Variants in TIRAP observed in about 807,000 individuals in gnomAD.
TIRAP encodes TIR domain containing adaptor protein.
Under a neutral mutation model 19.8 loss-of-function variants are expected in TIRAP, and 20 were observed. The observed-to-expected ratio is 1.01, with a 90% CI of 0.71 to 1.47. The LOEUF (loss-of-function observed/expected upper bound fraction) is 1.47, where lower values mean the gene tolerates loss of function less well. Ranked by LOEUF, TIRAP falls within the 40% of genes most tolerant of loss-of-function variation. The probability of loss-of-function intolerance (pLI) is 0.00; values close to 1 mark genes in which losing one functional copy is unlikely to be tolerated. For synonymous variants in TIRAP, 125 were observed against 121.7 expected (o/e 1.03, Z -0.18); for missense variants, 276 against 285.1 (o/e 0.97, Z 0.23).
Position 126,290,988 on chromosome 11 carries a change from G to A in TIRAP, c.67+27G>A. On this transcript the variant is annotated intron_variant, in intron 3 of 4. Coordinates refer to ENST00000392679, the MANE Select transcript of TIRAP (RefSeq NM_001318777.2). The surrounding 1 kb of genome is among the most constrained non-coding windows in gnomAD (Gnocchi z 4.9). Reference sequence around the variant, plus strand: ...TGAGTGGAACCGGACTCGCGACTCTGCTGTGTTCCTGAGTGTAGTGCTCAG... The same window carrying A: ...TGAGTGGAACCGGACTCGCGACTCTACTGTGTTCCTGAGTGTAGTGCTCAG... 5 of 1,591,264 alleles carry A rather than the reference G, an allele frequency of 3.1e-6. No homozygotes were observed. Among genetic ancestry groups the A allele is most frequent in the Non-Finnish European group, 8.6e-7 (1 of 1,167,422 alleles).
In TIRAP at chr11:126,288,619, G is replaced by A. The variant is rs891844767; in HGVS notation, c.-216-1843G>A. The A allele has an allele frequency of 2.0e-5, 3 of 152,042 alleles. No individual in the cohort carries two copies. The highest frequency in any genetic ancestry group is 7.3e-5 in the African/African-American group (3 of 41,364). 9.4% of individuals were successfully genotyped at this position (152,042 alleles called of 1,614,324 possible). A position where few individuals can be genotyped will look rare whatever the true frequency, so the allele number is the denominator to read the frequency against. On this transcript the variant is annotated intron_variant, in intron 1 of 4. Coordinates refer to ENST00000392679, the MANE Select transcript of TIRAP (RefSeq NM_001318777.2). The surrounding 1 kb of genome is among the most constrained non-coding windows in gnomAD (Gnocchi z 5.0). The stretch of plus-strand genomic sequence containing the variant: ...AAAACGTTTCCATGTTTCTCATGAG[G>A]GCTTATACCACCGCACTTCTGGTGG...
Position 126,292,945 on chromosome 11 carries a change from TGTCG to T in TIRAP, c.538_541del (p.Ser180AlafsTer54). Reference sequence around the variant, plus strand: ...GCCGAGGGCTGCACCATCCCCCTGCTGTCGGGCCTCAGCAGAGCTGCCTACCCAC... The same window carrying T: ...GCCGAGGGCTGCACCATCCCCCTGCTGGCCTCAGCAGAGCTGCCTACCCAC... On this transcript the variant is annotated frameshift_variant, in exon 4 of 5. Coordinates refer to ENST00000392679, the MANE Select transcript of TIRAP (RefSeq NM_001318777.2). LOFTEE classifies it high-confidence loss of function. 1 of 1,614,142 alleles carries T rather than the reference TGTCG, an allele frequency of 6.2e-7. No homozygotes were observed. The highest frequency in any genetic ancestry group is 8.5e-7 in the Non-Finnish European group (1 of 1,179,986).
At position 126,290,434 on chromosome 11, in the gene TIRAP, A is replaced by G; in HGVS notation, c.-216-28A>G. The G allele has an allele frequency of 1.0e-6, 1 of 989,548 alleles. No homozygotes were observed. Among genetic ancestry groups the G allele is most frequent in the Non-Finnish European group, 1.2e-6 (1 of 832,846 alleles). The allele number at this position is 989,548 out of a possible 1,614,324, so 61.3% of individuals were successfully genotyped here. ...TGGATACATAATTATTTGTCCAAAT[A>G]GCAACTGTCCTTCTTCTGCCATTTC... is the stretch of plus-strand genomic sequence containing the variant. On this transcript the variant is annotated intron_variant, in intron 1 of 4. Transcript: ENST00000392679. The surrounding 1 kb of genome is among the most constrained non-coding windows in gnomAD (Gnocchi z 4.9).
chr11:126,284,919 T>C (rs973069391), intron 1 of TIRAP, among the ~76,000 whole-genome samples: 1 of 151,924 alleles, frequency 6.6e-6, no homozygotes, highest in African/African-American at 2.4e-5. Context: ...AAATTGCTGA[T>C]GTGTGTATGC....
At chr11:126,286,054 GAA>G (rs1182840430) in intron 1 of TIRAP, among the ~76,000 whole-genome samples, 1 of 48,326 alleles carries the variant, frequency 2.1e-5, no homozygotes, top group East Asian at 6.3e-4. Flanking sequence ...ACCCTCTCTG[GAA>G]AAAAAAAAAA....
chr11:126,285,003 A>C (rs920150068), intron 1 of TIRAP, among the ~76,000 whole-genome samples: 14 of 151,952 alleles, frequency 9.2e-5, no homozygotes, highest in African/African-American at 2.9e-4. Context: ...TCTTACCACT[A>C]CTTGATAGTC....
rs918454302 is a variant in TIRAP, at chr11:126,294,588, C to A, written c.*901C>A. 4.4e-6 allele frequency: 2 copies of A among 456,178 alleles called. No homozygotes were observed. Among genetic ancestry groups the A allele is most frequent in the East Asian group, 6.9e-5 (1 of 14,392 alleles). The allele number at this position is 456,178 out of a possible 1,614,324, so 28.3% of individuals were successfully genotyped here. On this transcript the variant is annotated 3_prime_UTR_variant, in exon 5 of 5. Coordinates refer to ENST00000392679, the MANE Select transcript of TIRAP (RefSeq NM_001318777.2). ...GGAAGAATCACCATTTTTCTTCTGGCAGATGACTGTATTCCTTATAGGACA... is the reference window on the plus strand; with the variant it reads ...GGAAGAATCACCATTTTTCTTCTGGAAGATGACTGTATTCCTTATAGGACA...
In TIRAP at chr11:126,291,468, C is replaced by T. The variant is rs748844777; in HGVS notation, c.67+507C>T. 2.5e-5 allele frequency: 33 copies of T among 1,298,520 alleles called. No homozygotes were observed. The highest frequency in any genetic ancestry group is 1.2e-4 in the South Asian group (10 of 82,688). 80.4% of individuals were successfully genotyped at this position (1,298,520 alleles called of 1,614,324 possible). A position where few individuals can be genotyped will look rare whatever the true frequency, so the allele number is the denominator to read the frequency against. On this transcript the variant is annotated intron_variant, in intron 3 of 4. Coordinates refer to ENST00000392679, the MANE Select transcript of TIRAP (RefSeq NM_001318777.2). The surrounding 1 kb of genome is among the most constrained non-coding windows in gnomAD (Gnocchi z 5.6). The stretch of plus-strand genomic sequence containing the variant: ...TGCTGAAGAAGCCCAAGAAGAGGCC[C>T]GGCTCCCTGACATACCTGACACTGC...
At position 126,292,598 on chromosome 11, in the gene TIRAP, A is replaced by G; in HGVS notation, c.189A>G (p.Ser63=). The G allele has an allele frequency of 6.2e-7, 1 of 1,614,206 alleles. No individual in the cohort carries two copies. Residue 63 remains serine, a synonymous_variant, in exon 4 of 5, where the codon TCA becomes TCG. Coordinates refer to ENST00000392679, the MANE Select transcript of TIRAP (RefSeq NM_001318777.2). ...QDSPLPPSLS[S]VTSPSLPPTH... ...GCCCACTACCCCCAAGCCTCAGCTCAGTCACGTCTCCCAGCCTGCCACCCA... is the reference window on the plus strand; with the variant it reads ...GCCCACTACCCCCAAGCCTCAGCTCGGTCACGTCTCCCAGCCTGCCACCCA...
At position 126,290,461 on chromosome 11, in the gene TIRAP, GGCCT is replaced by G; in HGVS notation, c.-216_-213del. 1.0e-6 allele frequency: 1 copy of G among 992,152 alleles called. No homozygotes were observed. The highest frequency in any genetic ancestry group is 1.2e-6 in the Non-Finnish European group (1 of 834,586). The allele number at this position is 992,152 out of a possible 1,614,324, so 61.5% of individuals were successfully genotyped here. ...CAACTGTCCTTCTTCTGCCATTTCA[GGCCT>G]TACATAGGAAGTCCTTCTAAAGAGC... On this transcript the variant is annotated splice_region_variant and 5_prime_UTR_variant, in exon 2 of 5. Transcript: ENST00000392679. This position sits in a 1 kb window ranked among gnomAD's most constrained non-coding sequence, Gnocchi z 4.9.
At position 126,292,843 on chromosome 11, in the gene TIRAP, T is replaced by C; in HGVS notation, c.434T>C (p.Leu145Pro). 1 of 1,613,264 alleles carries C rather than the reference T, an allele frequency of 6.2e-7. No homozygotes were observed. Among genetic ancestry groups the C allele is most frequent in the South Asian group, 1.1e-5 (1 of 91,014 alleles). The change falls in exon 4 of 5, where the codon CTG (leucine) becomes CCG (proline). Residue 145 changes from leucine (L) to proline (P), a missense_variant. Transcript: ENST00000392679. Reference sequence around the variant, plus strand: ...CTGAGCAGTAGTCACTGCCGGGTGCTGCTCATCACGCCGGGCTTCCTTCAG... The same window carrying C: ...CTGAGCAGTAGTCACTGCCGGGTGCCGCTCATCACGCCGGGCTTCCTTCAG... ...QALSSSHCRV[L>P]LITPGFLQDP...
chr11:126,292,301 C>A (rs867565598), intron 3 of TIRAP, among the ~76,000 whole-genome samples, 176 bp from the exon 4 acceptor site: 810 of 117,894 alleles, frequency 6.9e-3, no homozygotes, highest in Middle Eastern at 0.013. Context: ...GACTCTGCCT[C>A]AAAAAAAAAA....
chr11:126,292,836 C>T lies in TIRAP; in HGVS notation c.427C>T (p.Arg143Trp), dbSNP rs200632029. ...CCAGGCACTGAGCAGTAGTCACTGCCGGGTGCTGCTCATCACGCCGGGCTT... is the reference window on the plus strand; with the variant it reads ...CCAGGCACTGAGCAGTAGTCACTGCTGGGTGCTGCTCATCACGCCGGGCTT... ...LCQALSSSHC[R>W]VLLITPGFLQ... Residue 143 changes from arginine (R) to tryptophan (W), a missense_variant, in exon 4 of 5, where the codon CGG (arginine) becomes TGG (tryptophan). Coordinates refer to ENST00000392679, the MANE Select transcript of TIRAP (RefSeq NM_001318777.2). The T allele has an allele frequency of 5.6e-5, 91 of 1,612,830 alleles. No homozygotes were observed. The highest frequency in any genetic ancestry group is 9.3e-5 in the African/African-American group (7 of 75,032).
chr11:126,292,519 C>T lies in TIRAP; in HGVS notation c.110C>T (p.Pro37Leu). 6.2e-7 allele frequency: 1 copy of T among 1,613,956 alleles called. No homozygotes were observed. Among genetic ancestry groups the T allele is most frequent in the South Asian group, 1.1e-5 (1 of 91,058 alleles). The change falls in exon 4 of 5, where the codon CCC becomes CTC. Residue 37 changes from proline (P) to leucine (L), a missense_variant. Transcript: ENST00000392679. ...QTLLKKPKKRPNSPESTSSDA... is the reference protein window; with the variant it reads ...QTLLKKPKKRLNSPESTSSDA... ...CTGCTGAAGAAGCCCAAGAAGAGGC[C>T]CAACTCCCCAGAAAGCACCTCCAGC...
At position 126,293,747 on chromosome 11, in the gene TIRAP, C is replaced by G; in HGVS notation, c.*60C>G. On this transcript the variant is annotated 3_prime_UTR_variant, in exon 5 of 5. Transcript: ENST00000392679. ...TGAAGCTAGAAACAGAAAACCCATG[C>G]AGGGCCTCGGATTCCCACAAATGTG... 1 of 1,582,212 alleles carries G rather than the reference C, an allele frequency of 6.3e-7. No individual in the cohort carries two copies. Among genetic ancestry groups the G allele is most frequent in the Non-Finnish European group, 8.7e-7 (1 of 1,151,032 alleles).
chr11:126,294,111 C>T lies in TIRAP; in HGVS notation c.*424C>T, dbSNP rs941187080. ...GCACTGGCGTACACTGGTATCCCTC[C>T]TAAAGAAGTGACTCACCTGACTGAT... On this transcript the variant is annotated 3_prime_UTR_variant, in exon 5 of 5. Transcript: ENST00000392679. 9 of 261,570 alleles carry T rather than the reference C, an allele frequency of 3.4e-5. No individual in the cohort carries two copies. Among genetic ancestry groups the T allele is most frequent in the Non-Finnish European group, 6.1e-5 (8 of 131,912 alleles). The allele number at this position is 261,570 out of a possible 1,614,324, so 16.2% of individuals were successfully genotyped here.
Position 126,292,509 on chromosome 11 carries a change from A to G in TIRAP, c.100A>G (p.Lys34Glu), listed in dbSNP as rs1196677324. 2 of 1,613,856 alleles carry G rather than the reference A, an allele frequency of 1.2e-6. No individual in the cohort carries two copies. The highest frequency in any genetic ancestry group is 4.5e-5 in the East Asian group (2 of 44,864). Residue 34 changes from lysine to glutamate, a missense_variant, in exon 4 of 5, where the codon AAG becomes GAG. By Grantham distance (56) the Lys-to-Glu change is moderately conservative (BLOSUM62 1). Coordinates refer to ENST00000392679, the MANE Select transcript of TIRAP (RefSeq NM_001318777.2). ...CAGGCAGACCCTGCTGAAGAAGCCC[A>G]AGAAGAGGCCCAACTCCCCAGAAAG... ...WFRQTLLKKP[K>E]KRPNSPESTS...
In TIRAP at chr11:126,288,833, A is replaced by T. The variant is rs1335291371; in HGVS notation, c.-216-1629A>T. Among the ~76,000 whole-genome samples, 1 of 152,236 alleles carries T rather than the reference A, an allele frequency of 6.6e-6. No individual in the cohort carries two copies. The highest frequency in any genetic ancestry group is 1.5e-5 in the Non-Finnish European group (1 of 68,052). The stretch of plus-strand genomic sequence containing the variant: ...AACCTTTAGAATATTTACAAATCAA[A>T]TGATGCTCTAGTTTACAAGTGCACC... On this transcript the variant is annotated intron_variant, in intron 1 of 4. Transcript: ENST00000392679. This position sits in a 1 kb window ranked among gnomAD's most constrained non-coding sequence, Gnocchi z 5.0.
chr11:126,292,361 G>C lies in TIRAP; in HGVS notation c.68-116G>C, dbSNP rs1243490170. On this transcript the variant is annotated intron_variant, in intron 3 of 4. Coordinates refer to ENST00000392679, the MANE Select transcript of TIRAP (RefSeq NM_001318777.2). ...CTCTGAGAATAAGATGTTTCCCAGT[G>C]CAGGGAGGTGGGCTGCAGTCTGTCT... 2.9e-6 allele frequency: 3 copies of C among 1,051,846 alleles called. No individual in the cohort carries two copies. In the South Asian group the frequency reaches 4.4e-5, roughly 15 times the overall value. The allele number at this position is 1,051,846 out of a possible 1,614,324, so 65.2% of individuals were successfully genotyped here. A position where few individuals can be genotyped will look rare whatever the true frequency, so the allele number is the denominator to read the frequency against.
Sources: gnomAD v4.1 joint callset for allele counts (sites outside exome capture counted in the v4.1 genomes callset) on GRCh38, gnomAD v4.1.1 for gene constraint, Gnocchi (gnomAD v3.1) non-coding constraint, MANE v1.5 for transcripts, NCBI Gene and HGNC (gene_info 2026-07-23, HGNC 2026-07-21) for gene names.